The following LDLRAP1 variants were observed in gnomAD, a reference collection of about 807,000 sequenced individuals.
The protein encoded by LDLRAP1 is low density lipoprotein receptor adaptor protein 1, also known as low density lipoprotein receptor adapter protein 1.
LDLRAP1 carries 30 observed loss-of-function variants against 37.8 expected under a neutral mutation model. The observed-to-expected ratio is 0.79, with a 90% confidence interval of 0.59 to 1.08. The LOEUF (loss-of-function observed/expected upper bound fraction) is 1.08. LDLRAP1 is among the 50% of genes least tolerant of loss of function. The pLI is 0.00. For synonymous variants in LDLRAP1, 156 were observed against 169.8 expected (o/e 0.92, Z 0.63); for missense variants, 375 against 401.6 (o/e 0.93, Z 0.57).
At chr1:25,551,989 G>C (rs1439770808) in intron 1 of LDLRAP1, among the ~76,000 whole-genome samples, 1 of 152,180 alleles carries the variant, frequency 6.6e-6, no homozygotes, top group Admixed American at 6.5e-5. Flanking sequence ...ACCCTCCCCA[G>C]CCCTGACACC....
intron 3 of LDLRAP1, among the ~76,000 whole-genome samples, chr1:25,556,105 C>T (rs931013699): frequency 3.9e-5 from 6 of 152,136 alleles, no homozygotes; most frequent in Non-Finnish European, 8.8e-5. Flanking sequence ...CTAACACCTT[C>T]ACGCTCTGCC....
chr1:25,562,500 G>GA (rs2044366003), intron 4 of LDLRAP1, 144 bp from the exon 5 acceptor site: 4 of 708,500 alleles, frequency 5.6e-6, no homozygotes, highest in Non-Finnish European at 1.0e-5. Flanking sequence ...CTGCCCAGCA[G>GA]GCATTCCAGA....
rs377136350 is a variant in LDLRAP1, at chr1:25,560,953, T to C, written c.460-1691T>C. Among the ~76,000 whole-genome samples the C allele has an allele frequency of 3.3e-5, 5 of 152,366 alleles. No individual in the cohort carries two copies. The East Asian group carries it at 9.6e-4, about 29-fold the overall frequency. ...TGCCCAGCCTGGGCTTGCAGCTACC[T>C]GCACACATCCACCTCTTGGGTTGTA... On this transcript the variant is annotated intron_variant, in intron 4 of 8. Coordinates refer to ENST00000374338, the MANE Select transcript of LDLRAP1 (RefSeq NM_015627.3).
the LDLRAP1 span, among the ~76,000 whole-genome samples, chr1:25,577,173 C>G: frequency 6.6e-6 from 1 of 152,314 alleles, no homozygotes; most frequent in East Asian, 1.9e-4. Flanking sequence ...TTTGTGGAAT[C>G]AGCTCATTAC....
chr1:25,570,678 T>C (rs975682125), downstream of LDLRAP1, among the ~76,000 whole-genome samples: 8 of 152,024 alleles, frequency 5.3e-5, no homozygotes, highest in African/African-American at 1.5e-4. Flanking sequence ...GCTAACACGG[T>C]GAAACCCCGT....
At chr1:25,547,644 T>G (rs1572021980) in intron 1 of LDLRAP1, among the ~76,000 whole-genome samples, 1 of 152,090 alleles carries the variant, frequency 6.6e-6, no homozygotes, top group African/African-American at 2.4e-5. Flanking sequence ...GGAAGCCCGG[T>G]GGAGAGGACT....
chr1:25,562,063 G>T (rs1018443763), intron 4 of LDLRAP1, among the ~76,000 whole-genome samples: 1 of 152,098 alleles, frequency 6.6e-6, no homozygotes, highest in Admixed American at 6.5e-5. Context: ...TTTGGTCCCC[G>T]GGCCTTCATT....
At chr1:25,570,175 A>G (rs1040106192), downstream of LDLRAP1, among the ~76,000 whole-genome samples, 1 of 152,232 alleles carries the variant, frequency 6.6e-6, no homozygotes, top group Non-Finnish European at 1.5e-5. Flanking sequence ...TTCATGGATG[A>G]CTAAGAAATC....
At chr1:25,586,943 C>T in the LDLRAP1 span, among the ~76,000 whole-genome samples, 3 of 152,278 alleles carry the variant, frequency 2.0e-5, 1 homozygote, top group South Asian at 4.1e-4. The surrounding 1 kb of genome is among the most constrained non-coding windows in gnomAD (Gnocchi z 4.3). Flanking sequence ...CCAGACTGAG[C>T]CCTAATCCTG....
chr1:25,565,618 A>G (rs1162194524), intron 8 of LDLRAP1, among the ~76,000 whole-genome samples: 5 of 151,924 alleles, frequency 3.3e-5, no homozygotes. Context: ...GAAAGTGTTT[A>G]ATGAAGCTCG....
chr1:25,582,660 T>TA, the LDLRAP1 span, among the ~76,000 whole-genome samples: 1 of 152,182 alleles, frequency 6.6e-6, no homozygotes, highest in South Asian at 2.1e-4. Context: ...GACATTGTTG[T>TA]ACAGCCTTCC....
chr1:25,553,628 G>C (rs140960691), intron 1 of LDLRAP1: 31,909 of 420,606 alleles, frequency 0.076, 1,587 homozygotes, highest in Non-Finnish European at 0.11. Context: ...GAGGCGGGCA[G>C]ATCACTTGGG....
the LDLRAP1 span, among the ~76,000 whole-genome samples, chr1:25,584,843 G>A: frequency 1.3e-5 from 2 of 152,304 alleles, no homozygotes; most frequent in Non-Finnish European, 1.5e-5. Context: ...AACCCCAGCT[G>A]TCAATTCTGG....
At chr1:25,585,657 G>A in the LDLRAP1 span, among the ~76,000 whole-genome samples, 860 of 152,308 alleles carry the variant, frequency 5.6e-3, 6 homozygotes, top group Non-Finnish European at 7.5e-3. Flanking sequence ...TCCAGAGTTG[G>A]AACTGGCCTC....
chr1:25,586,766 G>T, the LDLRAP1 span, among the ~76,000 whole-genome samples: 76 of 152,136 alleles, frequency 5.0e-4, no homozygotes, highest in African/African-American at 1.8e-3. The surrounding 1 kb of genome is among the most constrained non-coding windows in gnomAD (Gnocchi z 4.3). Context: ...TGGGGGCCCT[G>T]ACCAGGGATG....
At chr1:25,588,068 A>G in the LDLRAP1 span, among the ~76,000 whole-genome samples, 1 of 152,128 alleles carries the variant, frequency 6.6e-6, no homozygotes, top group African/African-American at 2.4e-5. Flanking sequence ...TTGTTAAACA[A>G]ATGCTTGAAG....
chr1:25,576,301 T>C, the LDLRAP1 span, among the ~76,000 whole-genome samples: 1 of 151,222 alleles, frequency 6.6e-6, no homozygotes, highest in Non-Finnish European at 1.5e-5. Flanking sequence ...TGAAAGCAGG[T>C]GGATCGCTTG....
downstream of LDLRAP1, among the ~76,000 whole-genome samples, chr1:25,573,850 T>C (rs569347781): frequency 2.6e-5 from 4 of 152,196 alleles, no homozygotes; most frequent in Non-Finnish European, 5.9e-5. Flanking sequence ...TGCCCAGTGA[T>C]TGAGTGCCCA....
Position 25,566,871 on chromosome 1 carries a change from C to T in LDLRAP1, c.806C>T (p.Pro269Leu). 1.2e-6 allele frequency: 2 copies of T among 1,612,174 alleles called. No homozygotes were observed. The highest frequency in any genetic ancestry group is 1.7e-6 in the Non-Finnish European group (2 of 1,179,378). The change falls in exon 9 of 9, where the codon CCT becomes CTT. Residue 269 changes from proline (P) to leucine (L), a missense_variant. Transcript: ENST00000374338. ...AGGCTTGCCCAGTCTCGGACAAACC[C>T]TCAGGTCCTGGACACTGGCCTGACA... ...FSRLAQSRTN[P>L]QVLDTGLTAQ...
Sources: allele counts gnomAD v4.1 joint callset (sites outside exome capture counted in the v4.1 genomes callset), GRCh38; gene constraint gnomAD v4.1.1; non-coding constraint Gnocchi (gnomAD v3.1); transcripts MANE v1.5; gene names NCBI Gene and HGNC (gene_info 2026-07-23, HGNC 2026-07-21).